SCIN: variants seen among roughly 807,000 people sequenced by gnomAD.
The protein encoded by SCIN is adseverin.
A neutral mutation model predicts 91.8 loss-of-function variants in SCIN; 91 were observed. That is an observed-to-expected ratio of 0.99 (90% CI 0.84 to 1.18). The LOEUF is 1.18. Ranked by LOEUF, SCIN falls within the 50% of genes most tolerant of loss-of-function variation. SCIN has a pLI of 0.00. For missense variants in SCIN, 1,087 were observed against 863.9 expected (o/e 1.26, Z -3.24); for synonymous variants, 367 against 312.6 (o/e 1.17, Z -1.84).
At chr7:12,642,918 T>C (rs929198757) in intron 11 of SCIN, among the ~76,000 whole-genome samples, 3 of 152,160 alleles carry the variant, frequency 2.0e-5, no homozygotes, top group Non-Finnish European at 4.4e-5. Context: ...ATGGTTTAAA[T>C]GCTACCATAT....
At position 12,575,677 on chromosome 7, in the gene SCIN, C is replaced by T. The variant is rs769053132; in HGVS notation, c.200-2387C>T. ...AAGTCTAACATAATATAAAATAACACGGCACAGCATAGTATAACAGAACAT... is the reference window on the plus strand; with the variant it reads ...AAGTCTAACATAATATAAAATAACATGGCACAGCATAGTATAACAGAACAT... On this transcript the variant is annotated intron_variant, in intron 1 of 15. Transcript: ENST00000297029. 5.1e-4 allele frequency among the ~76,000 whole-genome samples: 77 copies of T among 151,992 alleles called. 1 individual carries two copies. The highest frequency in any genetic ancestry group is 4.4e-4 in the Non-Finnish European group (30 of 67,980).
intron 1 of SCIN, among the ~76,000 whole-genome samples, chr7:12,575,109 T>C (rs1782342398): frequency 6.6e-6 from 1 of 152,154 alleles, no homozygotes; most frequent in Non-Finnish European, 1.5e-5. Context: ...GTCAATAGCA[T>C]TGCGCCTTTA....
chr7:12,596,368 T>C (rs115965515), intron 3 of SCIN: 4 of 455,312 alleles, frequency 8.8e-6, no homozygotes, highest in South Asian at 4.7e-5. Context: ...TTAAGTGCAA[T>C]AGGTGTGGAC....
At chr7:12,581,596 A>G (rs1165693952) in intron 3 of SCIN, among the ~76,000 whole-genome samples, 1 of 152,218 alleles carries the variant, frequency 6.6e-6, no homozygotes, top group Non-Finnish European at 1.5e-5. Flanking sequence ...AGAATATAAT[A>G]TGGACATAAG....
At chr7:12,625,921 A>G (rs1783511995) in intron 7 of SCIN, 71 bp downstream of exon 7, 1 of 1,159,316 alleles carries the variant, frequency 8.6e-7, no homozygotes, top group Non-Finnish European at 1.2e-6. Context: ...CACGAAACTC[A>G]TGAAAAAGTT....
intron 9 of SCIN, among the ~76,000 whole-genome samples, chr7:12,630,294 C>G (rs1276708255): frequency 6.6e-6 from 1 of 152,170 alleles, no homozygotes; most frequent in Non-Finnish European, 1.5e-5. Flanking sequence ...TATGTAGACT[C>G]TCAGGCCCCA....
chr7:12,626,878 A>G, intron 8 of SCIN, 79 bp downstream of exon 8: 1 of 1,275,838 alleles, frequency 7.8e-7, no homozygotes, highest in Non-Finnish European at 1.1e-6. Context: ...TCACTTGAGG[A>G]CAGGAGTTCG....
intron 11 of SCIN, among the ~76,000 whole-genome samples, chr7:12,642,758 G>A (rs1478258736): frequency 6.6e-6 from 1 of 151,750 alleles, no homozygotes; most frequent in Non-Finnish European, 1.5e-5. Context: ...CTAGGTGAAT[G>A]TATCCCCACA....
intron 1 of SCIN, among the ~76,000 whole-genome samples, chr7:12,572,709 C>T (rs532792120): frequency 5.3e-5 from 8 of 152,186 alleles, no homozygotes; most frequent in Admixed American, 2.0e-4. Flanking sequence ...CCACTTGATG[C>T]CCATAAATTT....
intron 3 of SCIN, among the ~76,000 whole-genome samples, chr7:12,592,017 A>T (rs1260742781): frequency 6.6e-6 from 1 of 152,124 alleles, no homozygotes; most frequent in Non-Finnish European, 1.5e-5. Flanking sequence ...AGGTTTAAGG[A>T]AGTAAGGTTT....
intron 9 of SCIN, among the ~76,000 whole-genome samples, chr7:12,635,252 A>G (rs1783724122): frequency 6.6e-6 from 1 of 151,844 alleles, no homozygotes; most frequent in African/African-American, 2.4e-5. Flanking sequence ...TCTACTTCTC[A>G]TTATTATTTT....
chr7:12,580,471 A>G (rs1171136298), intron 2 of SCIN, among the ~76,000 whole-genome samples: 1 of 152,120 alleles, frequency 6.6e-6, no homozygotes, highest in Non-Finnish European at 1.5e-5. Flanking sequence ...GGCCTAGCAT[A>G]TTTATTAATA....
intron 2 of SCIN, among the ~76,000 whole-genome samples, chr7:12,578,755 G>A (rs1318636443): frequency 1.3e-5 from 2 of 151,876 alleles, no homozygotes; most frequent in East Asian, 1.9e-4. Flanking sequence ...AAAATTTTGA[G>A]CTTAAAATTC....
intron 1 of SCIN, 118 bp downstream of exon 1, chr7:12,571,103 C>A: frequency 8.7e-7 from 1 of 1,155,994 alleles, no homozygotes; most frequent in Non-Finnish European, 1.2e-6. Context: ...TAGCCACTCG[C>A]GCCCCCACGG....
At chr7:12,612,518 T>C (rs928956109) in intron 4 of SCIN, among the ~76,000 whole-genome samples, 2 of 152,182 alleles carry the variant, frequency 1.3e-5, no homozygotes, top group Non-Finnish European at 2.9e-5. Flanking sequence ...ACTGCAATAA[T>C]ACTTAGTACA....
At chr7:12,579,545 G>T (rs775820875) in intron 2 of SCIN, among the ~76,000 whole-genome samples, 2 of 152,152 alleles carry the variant, frequency 1.3e-5, no homozygotes, top group Non-Finnish European at 2.9e-5. Flanking sequence ...TGAGCTTTCT[G>T]TGCTCAGTTT....
intron 3 of SCIN, among the ~76,000 whole-genome samples, chr7:12,594,326 G>A (rs190177795): frequency 1.3e-5 from 2 of 152,226 alleles, no homozygotes; most frequent in African/African-American, 4.8e-5. Flanking sequence ...TGTGGGTGGG[G>A]TGACGGGAGA....
intron 1 of SCIN, among the ~76,000 whole-genome samples, chr7:12,575,717 A>T (rs988464143): frequency 4.6e-5 from 7 of 152,168 alleles, no homozygotes; most frequent in African/African-American, 1.7e-4. Context: ...GACACCGGTA[A>T]AATCAGTGTA....
At chr7:12,604,320 G>C (rs1783026342) in intron 3 of SCIN, among the ~76,000 whole-genome samples, 194 bp from the exon 4 acceptor site, 1 of 152,046 alleles carries the variant, frequency 6.6e-6, no homozygotes, top group African/African-American at 2.4e-5. Flanking sequence ...TATTTTCCAT[G>C]CTTAAAAACT....
Sources: gnomAD v4.1 joint callset for allele counts (sites outside exome capture counted in the v4.1 genomes callset) on GRCh38, gnomAD v4.1.1 for gene constraint, MANE v1.5 for transcripts, NCBI Gene and HGNC (gene_info 2026-07-23, HGNC 2026-07-21) for gene names.